CDK14: variants seen among roughly 807,000 people sequenced by gnomAD.
The protein encoded by CDK14 is cyclin-dependent kinase 14.
A neutral mutation model predicts 60.7 loss-of-function variants in CDK14; 34 were observed. The ratio of observed to expected loss-of-function variants is 0.56; its 90% confidence interval spans 0.43 to 0.75. The LOEUF (loss-of-function observed/expected upper bound fraction) is 0.75. Ranked by LOEUF, CDK14 falls within the 30% of genes least tolerant of loss-of-function variation. The pLI is 0.00. For synonymous variants in CDK14, 197 were observed against 203.7 expected (o/e 0.97, Z 0.28); for missense variants, 482 against 564.1 (o/e 0.85, Z 1.47).
intron 8 of CDK14, among the ~76,000 whole-genome samples, chr7:90,921,032 G>A (rs1793234141): frequency 6.6e-6 from 1 of 152,056 alleles, no homozygotes; most frequent in African/African-American, 2.4e-5. Context: ...ACATGATTTA[G>A]AATCACTGTG....
intron 8 of CDK14, among the ~76,000 whole-genome samples, chr7:90,931,772 T>C (rs1793597157): frequency 3.6e-5 from 3 of 83,170 alleles, no homozygotes; most frequent in African/African-American, 4.8e-5. Context: ...AACTTTCATC[T>C]TTGGATTTTG....
chr7:90,815,710 A>G (rs1023551914), intron 5 of CDK14, among the ~76,000 whole-genome samples: 1 of 152,254 alleles, frequency 6.6e-6, no homozygotes, highest in African/African-American at 2.4e-5. Flanking sequence ...AATGTGGCAC[A>G]TGTATACCAT....
intron 14 of CDK14, among the ~76,000 whole-genome samples, chr7:91,181,577 A>G (rs1473653254): frequency 6.6e-6 from 1 of 152,210 alleles, no homozygotes; most frequent in Non-Finnish European, 1.5e-5. Flanking sequence ...TCTAAACAGA[A>G]AATCTTCCCC....
At chr7:91,020,384 A>C (rs1318440305) in intron 10 of CDK14, among the ~76,000 whole-genome samples, 3 of 152,188 alleles carry the variant, frequency 2.0e-5, no homozygotes, top group African/African-American at 7.2e-5. Context: ...CCACCTACTC[A>C]ATGCCAGGCA....
chr7:91,098,765 A>G (rs1357783970), intron 12 of CDK14, among the ~76,000 whole-genome samples: 1 of 152,140 alleles, frequency 6.6e-6, no homozygotes, highest in East Asian at 1.9e-4. Flanking sequence ...AAGTTGAGAT[A>G]AATTCACCAT....
At chr7:90,695,305 A>G (rs1427139864) in intron 2 of CDK14, among the ~76,000 whole-genome samples, 1 of 152,232 alleles carries the variant, frequency 6.6e-6, no homozygotes, top group African/African-American at 2.4e-5. Context: ...TCCTAAAAAT[A>G]TAACTTGAAA....
intron 9 of CDK14, among the ~76,000 whole-genome samples, chr7:90,983,252 C>T (rs1313773796): frequency 6.6e-6 from 1 of 152,162 alleles, no homozygotes; most frequent in Non-Finnish European, 1.5e-5. Flanking sequence ...GATACACATA[C>T]TCACGTATTC....
At chr7:91,062,606 T>G (rs1797838191) in intron 11 of CDK14, among the ~76,000 whole-genome samples, 2 of 152,200 alleles carry the variant, frequency 1.3e-5, no homozygotes, top group African/African-American at 4.8e-5. Flanking sequence ...AAGTGTCACA[T>G]AGCTGATGAT....
Position 90,863,191 on chromosome 7 carries a change from A to G in CDK14, c.561A>G (p.Gly187=), listed in dbSNP as rs1365176957. 1.2e-6 allele frequency: 2 copies of G among 1,603,316 alleles called. No homozygotes were observed. Among genetic ancestry groups the G allele is most frequent in the African/African-American group, 1.3e-5 (1 of 74,702 alleles). Residue 187 remains glycine (G), a synonymous_variant, in exon 6 of 15, where the codon GGA becomes GGG. Transcript: ENST00000380050. ...TAIREASLLK[G]LKHANIVLLH... is the part of the protein sequence containing the mutation. ...GTTTTACAGCTTCTCTTTTAAAAGG[A>G]CTAAAACATGCTAACATAGTGCTAC...
At chr7:91,078,465 G>A (rs986865602) in intron 11 of CDK14, among the ~76,000 whole-genome samples, 13 of 152,088 alleles carry the variant, frequency 8.5e-5, no homozygotes, top group African/African-American at 2.9e-4. Flanking sequence ...AAATTAGCTG[G>A]GTGTGGCAGC....
At chr7:90,643,046 C>T (rs113126236) in intron 2 of CDK14, among the ~76,000 whole-genome samples, 2,263 of 152,216 alleles carry the variant, frequency 0.015, 21 homozygotes, top group Middle Eastern at 0.027. Flanking sequence ...AACATGAAGG[C>T]GTCAAGTATG....
intron 1 of CDK14, among the ~76,000 whole-genome samples, chr7:90,602,468 G>A (rs1204262324): frequency 6.6e-6 from 1 of 152,204 alleles, no homozygotes; most frequent in East Asian, 1.9e-4. Flanking sequence ...ATTAGTCAAA[G>A]TATGTTAATT....
At chr7:91,164,492 G>A (rs905932573) in intron 14 of CDK14, among the ~76,000 whole-genome samples, 4 of 152,192 alleles carry the variant, frequency 2.6e-5, no homozygotes, top group African/African-American at 9.7e-5. Context: ...CAGAGTCAGG[G>A]TAAAGGAATT....
At chr7:90,874,503 C>CTTTTTTTCTTTT (rs1791482683) in intron 6 of CDK14, among the ~76,000 whole-genome samples, 1 of 47,966 alleles carries the variant, frequency 2.1e-5, no homozygotes, top group Non-Finnish European at 3.9e-5. Context: ...TCCTTTCATC[C>CTTTTTTTCTTTT]TTTTTTTTTT....
chr7:91,018,099 C>T (rs1174482109), intron 10 of CDK14, among the ~76,000 whole-genome samples: 1 of 152,176 alleles, frequency 6.6e-6, no homozygotes, highest in Non-Finnish European at 1.5e-5. Context: ...AATTTGAAAT[C>T]TTCAGTACAA....
chr7:91,105,548 GC>G (rs960878982), intron 12 of CDK14, among the ~76,000 whole-genome samples: 7 of 152,200 alleles, frequency 4.6e-5, no homozygotes, highest in African/African-American at 1.7e-4. Context: ...TATTGGGAGA[GC>G]CTCAGGCCTT....
At chr7:90,823,047 C>G (rs1370295708) in intron 5 of CDK14, among the ~76,000 whole-genome samples, 2 of 152,092 alleles carry the variant, frequency 1.3e-5, no homozygotes, top group African/African-American at 2.4e-5. Flanking sequence ...GTTGCTCTTC[C>G]CAGTAGTACT....
rs917087032 is a variant in CDK14, at chr7:90,596,449, G to A, written c.-179G>A. On this transcript the variant is annotated 5_prime_UTR_variant, in exon 1 of 15. Transcript: ENST00000380050. ...CCCAGCTGCGGCCCAGGCCGGAGCG[G>A]AGCCTGCCGTCCTCCGCCTGCCTGC... The A allele has an allele frequency of 7.9e-6, 4 of 506,156 alleles. No individual in the cohort carries two copies. Among genetic ancestry groups the A allele is most frequent in the African/African-American group, 6.2e-5 (3 of 48,466 alleles). The allele number at this position is 506,156 out of a possible 1,614,324, so 31.4% of individuals were successfully genotyped here. A position where few individuals can be genotyped will look rare whatever the true frequency, so the allele number is the denominator to read the frequency against.
chr7:90,907,844 A>G (rs1792763593), intron 7 of CDK14, among the ~76,000 whole-genome samples: 1 of 152,150 alleles, frequency 6.6e-6, no homozygotes, highest in African/African-American at 2.4e-5. Context: ...ATGCCAAATT[A>G]AGATTGTATT....
Sources: allele counts gnomAD v4.1 joint callset (sites outside exome capture counted in the v4.1 genomes callset), GRCh38; gene constraint gnomAD v4.1.1; transcripts MANE v1.5; gene names NCBI Gene and HGNC (gene_info 2026-07-23, HGNC 2026-07-21).